Variants in SPADH observed in about 807,000 individuals in gnomAD.
The protein encoded by SPADH is CUB domain-containing protein.
At chr10:122,676,157 T>C in the SPADH span, among the ~76,000 whole-genome samples, 1 of 152,250 alleles carries the variant, frequency 6.6e-6, no homozygotes, top group Admixed American at 6.5e-5. Flanking sequence ...TTTCTTGCGA[T>C]GCAGGGTGGC....
At chr10:122,675,789 A>G in the SPADH span, 1 of 253,310 alleles carries the variant, frequency 3.9e-6, no homozygotes, top group Non-Finnish European at 6.2e-6. Flanking sequence ...TCTTGTCCAA[A>G]AGGACTTGGT....
At chr10:122,678,859 T>C in the SPADH span, 42 of 983,654 alleles carry the variant, frequency 4.3e-5, no homozygotes, top group Non-Finnish European at 5.1e-5. Context: ...GATTCGCATG[T>C]GGCAAAGAAT....
At chr10:122,674,781 CA>C in the SPADH span, among the ~76,000 whole-genome samples, 1 of 152,350 alleles carries the variant, frequency 6.6e-6, no homozygotes, top group African/African-American at 2.4e-5. Context: ...GGCATTGGGC[CA>C]TGGGCTCGTG....
chr10:122,677,302 A>G, the SPADH span, among the ~76,000 whole-genome samples: 1 of 152,172 alleles, frequency 6.6e-6, no homozygotes, highest in African/African-American at 2.4e-5. Context: ...TTCATGTTGT[A>G]TTTCATGAGT....
the SPADH span, chr10:122,678,705 T>TC: frequency 6.4e-6 from 1 of 155,972 alleles, no homozygotes; most frequent in Non-Finnish European, 1.4e-5. Flanking sequence ...TGACAAACTT[T>TC]CCTTCTTTCG....
the SPADH span, among the ~76,000 whole-genome samples, chr10:122,674,494 C>T: frequency 1.3e-5 from 2 of 152,176 alleles, no homozygotes; most frequent in African/African-American, 4.8e-5. Flanking sequence ...GGTCTGCTTT[C>T]TGGGGAATCG....
At chr10:122,678,506 T>A in the SPADH span, among the ~76,000 whole-genome samples, 4 of 152,132 alleles carry the variant, frequency 2.6e-5, no homozygotes, top group Admixed American at 6.5e-5. Context: ...CATTCCCTGT[T>A]TGGGGAACTT....
At chr10:122,672,884 G>A in the SPADH span, 2 of 985,370 alleles carry the variant, frequency 2.0e-6, no homozygotes, top group African/African-American at 3.5e-5. Flanking sequence ...TGCTGAGGAT[G>A]AGGCTGTCCA....
the SPADH span, among the ~76,000 whole-genome samples, chr10:122,677,727 G>A: frequency 2.0e-5 from 3 of 152,164 alleles, no homozygotes; most frequent in Admixed American, 6.5e-5. Flanking sequence ...GACAGCCTAT[G>A]GGCTCAGAAT....
At chr10:122,675,335 C>A in the SPADH span, among the ~76,000 whole-genome samples, 2 of 152,212 alleles carry the variant, frequency 1.3e-5, no homozygotes, top group East Asian at 1.9e-4. Context: ...CAGAGTGAGA[C>A]AATTGAACTT....
At chr10:122,679,379 A>G in the SPADH span, among the ~76,000 whole-genome samples, 4 of 152,142 alleles carry the variant, frequency 2.6e-5, no homozygotes, top group African/African-American at 9.7e-5. Context: ...TATGCCCTGT[A>G]GCATTTTCTA....
At chr10:122,679,292 A>G in the SPADH span, among the ~76,000 whole-genome samples, 1 of 152,092 alleles carries the variant, frequency 6.6e-6, no homozygotes, top group Non-Finnish European at 1.5e-5. Context: ...CATATGTGAA[A>G]ACTTTATCTT....
the SPADH span, chr10:122,677,030 G>A: frequency 3.9e-6 from 2 of 510,978 alleles, no homozygotes; most frequent in Admixed American, 1.3e-4. Context: ...TTCACTTCCT[G>A]TTGAAAGCTT....
chr10:122,674,504 G>A, the SPADH span, among the ~76,000 whole-genome samples: 829 of 152,272 alleles, frequency 5.4e-3, 28 homozygotes, highest in Admixed American at 0.048. Flanking sequence ...CTGGGGAATC[G>A]TGATTTATTT....
At chr10:122,676,820 G>A in the SPADH span, 5 of 985,170 alleles carry the variant, frequency 5.1e-6, no homozygotes, top group African/African-American at 3.5e-5. Flanking sequence ...ACGCTGGGCC[G>A]AAAACTGAAT....
chr10:122,679,057 T>C, the SPADH span: 1 of 982,278 alleles, frequency 1.0e-6, no homozygotes, highest in Admixed American at 6.2e-5. Flanking sequence ...AATAGGAAGA[T>C]CGGGGGAAGA....
At chr10:122,676,783 C>T in the SPADH span, 3 of 985,398 alleles carry the variant, frequency 3.0e-6, no homozygotes, top group Non-Finnish European at 3.6e-6. Context: ...GGCCACTACA[C>T]AGATGAATAT....
the SPADH span, chr10:122,676,827 G>A: frequency 1.0e-6 from 1 of 985,324 alleles, no homozygotes; most frequent in Non-Finnish European, 1.2e-6. Flanking sequence ...GCCGAAAACT[G>A]AATGCGTCTG....
chr10:122,676,080 C>T, the SPADH span, among the ~76,000 whole-genome samples: 3 of 152,216 alleles, frequency 2.0e-5, no homozygotes, highest in Non-Finnish European at 2.9e-5. Flanking sequence ...CCTGCTTCCT[C>T]CAGGGTGCAG....
Sources: allele counts gnomAD v4.1 joint callset (sites outside exome capture counted in the v4.1 genomes callset), GRCh38; gene constraint gnomAD v4.1.1; transcripts MANE v1.5; gene names NCBI Gene and HGNC (gene_info 2026-07-23, HGNC 2026-07-21).